Variants in DNMT1 observed in about 807,000 individuals in gnomAD.
DNMT1 encodes DNA (cytosine-5)-methyltransferase 1.
Under a neutral mutation model 205.3 loss-of-function variants are expected in DNMT1, and 24 were observed. That is an observed-to-expected ratio of 0.12 (90% CI 0.08 to 0.16). The LOEUF is 0.16. DNMT1 is among the 10% of genes least tolerant of loss of function. DNMT1 has a pLI of 1.00. For synonymous variants in DNMT1, 817 were observed against 839.8 expected (o/e 0.97, Z 0.47); for missense variants, 1,293 against 2,177.7 (o/e 0.59, Z 8.09).
In DNMT1 at chr19:10,156,961, G is replaced by A. The variant is rs1032394933; in HGVS notation, c.1281-452C>T. On this transcript the variant is annotated intron_variant, in intron 17 of 40. Transcript: ENST00000359526. The surrounding 1 kb of genome is among the most constrained non-coding windows in gnomAD (Gnocchi z 4.2). ...TGCGGGAACACTGGATTAAGACAGC[G>A]TTCTATCACCCAGAGTTTCTACCTT... Among the ~76,000 whole-genome samples, 16 of 152,190 alleles carry A rather than the reference G, an allele frequency of 1.1e-4. No individual in the cohort carries two copies. Among genetic ancestry groups the A allele is most frequent in the Middle Eastern group, 3.4e-3 (1 of 294 alleles).
At chr19:10,155,635 A>G (rs149921462) in intron 19 of DNMT1, among the ~76,000 whole-genome samples, 242 of 151,922 alleles carry the variant, frequency 1.6e-3, no homozygotes, top group African/African-American at 5.6e-3. Context: ...GAGCCACCAT[A>G]TCCGGCCAAG....
intron 3 of DNMT1, 73 bp downstream of exon 3, chr19:10,180,705 G>A (rs1184171031): frequency 8.6e-6 from 13 of 1,515,714 alleles, no homozygotes; most frequent in Non-Finnish European, 1.1e-5. Context: ...GGATCTTGCT[G>A]CCTCCCTGGT....
chr19:10,151,703 C>T lies in DNMT1; in HGVS notation c.2117+47G>A, dbSNP rs1200794403. 2 of 1,612,474 alleles carry T rather than the reference C, an allele frequency of 1.2e-6. No individual in the cohort carries two copies. Among genetic ancestry groups the T allele is most frequent in the South Asian group, 2.2e-5 (2 of 91,048 alleles). ...CCCTTCTCCACAGTGCATCTGCCACCAGCTGGCAAGTCCTCTGCCACAGGA... is the reference window on the plus strand; with the variant it reads ...CCCTTCTCCACAGTGCATCTGCCACTAGCTGGCAAGTCCTCTGCCACAGGA... On this transcript the variant is annotated intron_variant, in intron 23 of 40. Transcript: ENST00000359526. This position sits in a 1 kb window ranked among gnomAD's most constrained non-coding sequence, Gnocchi z 5.0.
At position 10,189,723 on chromosome 19, in the gene DNMT1, C is replaced by T. The variant is rs944645600; in HGVS notation, c.80+5097G>A. Among the ~76,000 whole-genome samples the T allele has an allele frequency of 2.0e-5, 3 of 151,990 alleles. No homozygotes were observed. The South Asian group carries it at 6.2e-4, about 32-fold the overall frequency. On this transcript the variant is annotated intron_variant, in intron 1 of 40. Coordinates refer to ENST00000359526, the MANE Select transcript of DNMT1 (RefSeq NM_001130823.3). ...CATGAGCCACTGCACACGGCCTAGT[C>T]TAATAACTTTTACACATACTAGGAA...
Position 10,133,712 on chromosome 19 carries a change from A to G in DNMT1, c.4865-11T>C. On this transcript the variant is annotated splice_polypyrimidine_tract_variant and intron_variant, in intron 40 of 40. Coordinates refer to ENST00000359526, the MANE Select transcript of DNMT1 (RefSeq NM_001130823.3). This position sits in a 1 kb window ranked among gnomAD's most constrained non-coding sequence, Gnocchi z 4.1. ...CCTCCTTTATTTTAGCTGAAGGGAA[A>G]TAAAAGGAAAAGTCACTCTGGGGAA... 6.3e-7 allele frequency: 1 copy of G among 1,586,328 alleles called. No homozygotes were observed. The highest frequency in any genetic ancestry group is 1.1e-5 in the South Asian group (1 of 87,006).
intron 9 of DNMT1, 94 bp downstream of exon 9, chr19:10,172,996 C>T (rs545714134): frequency 6.1e-5 from 88 of 1,439,494 alleles, no homozygotes; most frequent in Non-Finnish European, 3.3e-5. Context: ...TGTTCTTCCA[C>T]GTTCCCCACC....
At chr19:10,166,063 C>T (rs1031723321) in intron 11 of DNMT1, among the ~76,000 whole-genome samples, 1 of 152,150 alleles carries the variant, frequency 6.6e-6, no homozygotes. Flanking sequence ...TGACCTAGCT[C>T]CCTTCCCTAG....
intron 1 of DNMT1, among the ~76,000 whole-genome samples, chr19:10,188,825 A>C (rs780805231): frequency 2.0e-5 from 3 of 152,180 alleles, no homozygotes; most frequent in Non-Finnish European, 2.9e-5. Flanking sequence ...GCATGAGCCG[A>C]GGGATGAGAC....
rs1485820844 is a variant in DNMT1 at position 10,136,080 on chromosome 19, A to G, written c.4656+41T>C. ...TCCACCTAGTTAGGCCGCCAAGTACAGGGCCTGACCCAGGCCCTCGGATGC... is the reference window on the plus strand; with the variant it reads ...TCCACCTAGTTAGGCCGCCAAGTACGGGGCCTGACCCAGGCCCTCGGATGC... On this transcript the variant is annotated intron_variant, in intron 38 of 40. Transcript: ENST00000359526. 8.1e-6 allele frequency: 13 copies of G among 1,613,174 alleles called. No individual in the cohort carries two copies. In the East Asian group the frequency reaches 2.7e-4, roughly 33 times the overall value.
chr19:10,146,579 G>A lies in DNMT1; in HGVS notation c.2721-55C>T, dbSNP rs937787944. 3.9e-5 allele frequency: 63 copies of A among 1,606,264 alleles called. No homozygotes were observed. The highest frequency in any genetic ancestry group is 3.3e-4 in the Middle Eastern group (2 of 6,000). On this transcript the variant is annotated intron_variant, in intron 27 of 40. Coordinates refer to ENST00000359526, the MANE Select transcript of DNMT1 (RefSeq NM_001130823.3). This position sits in a 1 kb window ranked among gnomAD's most constrained non-coding sequence, Gnocchi z 4.4. ...GGCCCTGAGGTGGCCGGCAGTGGCC[G>A]CAGCAGCTACTGCCAGCTTAATCCA...
intron 9 of DNMT1, among the ~76,000 whole-genome samples, chr19:10,169,386 CAAAAAA>C (rs61170762): frequency 2.6e-3 from 214 of 80,942 alleles, no homozygotes; most frequent in Middle Eastern, 8.5e-3. Flanking sequence ...ACTAAAAATA[CAAAAAA>C]AAAAAAAAAA....
chr19:10,165,483 C>T (rs2038671746), intron 11 of DNMT1, among the ~76,000 whole-genome samples: 1 of 152,192 alleles, frequency 6.6e-6, no homozygotes, highest in South Asian at 2.1e-4. Context: ...ACCTCTGCCT[C>T]CTGGGTTCAA....
chr19:10,187,287 C>T (rs771059664), intron 1 of DNMT1, among the ~76,000 whole-genome samples: 18 of 152,058 alleles, frequency 1.2e-4, no homozygotes, highest in Non-Finnish European at 1.5e-4. Flanking sequence ...AACACCTCTA[C>T]GCCAGAAATG....
intron 1 of DNMT1, among the ~76,000 whole-genome samples, chr19:10,187,087 G>T (rs549922676): frequency 1.1e-4 from 17 of 151,994 alleles, no homozygotes; most frequent in Non-Finnish European, 2.2e-4. Context: ...CCTCCAGAGA[G>T]GTGGCTGGGG....
intron 1 of DNMT1, chr19:10,194,543 C>T (rs188102031): frequency 1.4e-5 from 5 of 363,842 alleles, no homozygotes; most frequent in East Asian, 4.7e-5. Context: ...CCAAAGCTTG[C>T]TGTATTTGGG....
chr19:10,135,138 G>T (rs572997201), intron 39 of DNMT1, among the ~76,000 whole-genome samples: 1 of 151,662 alleles, frequency 6.6e-6, no homozygotes, highest in South Asian at 2.1e-4. Flanking sequence ...CTTAAAACCA[G>T]GGGGGTGGAA....
Position 10,143,873 on chromosome 19 carries a change from G to C in DNMT1, c.3009C>G (p.Ala1003=). The change falls in exon 29 of 41, where the codon GCC becomes GCG. Residue 1003 remains alanine, a synonymous_variant. Coordinates refer to ENST00000359526, the MANE Select transcript of DNMT1 (RefSeq NM_001130823.3). ...SDYIKGSNLD[A]PEPYRIGRIK... ...TCCGGCCAATTCGGTAGGGCTCAGG[G>C]GCATCCAGGTTGCTGCCTTTGATGT... is the stretch of plus-strand genomic sequence containing the variant. 1.2e-6 allele frequency: 2 copies of C among 1,614,178 alleles called. No individual in the cohort carries two copies. Among genetic ancestry groups the C allele is most frequent in the South Asian group, 1.1e-5 (1 of 91,080 alleles).
chr19:10,185,547 C>T (rs1397134335), intron 1 of DNMT1, among the ~76,000 whole-genome samples: 1 of 151,956 alleles, frequency 6.6e-6, no homozygotes, highest in African/African-American at 2.4e-5. Flanking sequence ...CAAGGCCAGG[C>T]AAGACGCAGT....
rs1323856557 is a variant in DNMT1 at position 10,137,876 on chromosome 19, G to A, written c.4249C>T (p.Arg1417Trp). Reference sequence around the variant, plus strand: ...AGGATGGGCTGGTACTGTGCGCCCCGGAGCTGCCTCTGGAACCAGGACTGA... The same window carrying A: ...AGGATGGGCTGGTACTGTGCGCCCCAGAGCTGCCTCTGGAACCAGGACTGA... ...EPQSWFQRQLRGAQYQPILRD... is the reference protein window; with the variant it reads ...EPQSWFQRQLWGAQYQPILRD... Residue 1417 changes from arginine (R) to tryptophan (W), a missense_variant, in exon 36 of 41, where the codon CGG becomes TGG. Transcript: ENST00000359526. The surrounding 1 kb of genome is among the most constrained non-coding windows in gnomAD (Gnocchi z 6.4). 5 of 1,613,358 alleles carry A rather than the reference G, an allele frequency of 3.1e-6. No homozygotes were observed. The highest frequency in any genetic ancestry group is 3.4e-6 in the Non-Finnish European group (4 of 1,179,934).
Sources: allele counts gnomAD v4.1 joint callset (sites outside exome capture counted in the v4.1 genomes callset), GRCh38; gene constraint gnomAD v4.1.1; non-coding constraint Gnocchi (gnomAD v3.1); transcripts MANE v1.5; gene names NCBI Gene and HGNC (gene_info 2026-07-23, HGNC 2026-07-21).